The following SFMBT2 variants were observed in gnomAD, a reference collection of about 807,000 sequenced individuals.
SFMBT2 encodes the protein Scm like with four mbt domains 2, also known as scm-like with four MBT domains protein 2.
A neutral mutation model predicts 110.1 loss-of-function variants in SFMBT2; 38 were observed. The observed-to-expected ratio is 0.35, with a 90% CI of 0.27 to 0.45. SFMBT2 has a LOEUF of 0.45. Among genes scored for constraint, SFMBT2 ranks in the 20% least tolerant of loss-of-function variants. The pLI, the probability that SFMBT2 is intolerant of heterozygous loss-of-function variation, is 1.00. For synonymous variants in SFMBT2, 425 were observed against 425.4 expected, an observed-to-expected ratio of 1.00 and a Z score of 0.01; for missense variants, 1,011 against 1,094.9, an observed-to-expected ratio of 0.92 and a Z score of 1.08.
chr10:7,178,310 T>C (rs529102942), intron 16 of SFMBT2, among the ~76,000 whole-genome samples: 1 of 152,206 alleles, frequency 6.6e-6, no homozygotes, highest in East Asian at 1.9e-4. Context: ...GAAACACCAA[T>C]CTAGATGAAG....
At chr10:7,185,813 A>G (rs1223097898) in intron 16 of SFMBT2, among the ~76,000 whole-genome samples, 1 of 128,198 alleles carries the variant, frequency 7.8e-6, no homozygotes, top group Non-Finnish European at 1.7e-5. Context: ...CTCTAGATGC[A>G]GAGAGGTGGA....
At position 7,175,978 on chromosome 10, in the gene SFMBT2, A is replaced by T. The variant is rs1433875301; in HGVS notation, c.1984+12T>A. On this transcript the variant is annotated intron_variant, in intron 17 of 20. Transcript: ENST00000397167. The stretch of plus-strand genomic sequence containing the variant: ...GGGCTCATGCATTTCTTTTTTCATT[A>T]TTTGTACTTACTGTATTTGGTTTTG... 5 of 1,603,822 alleles carry T rather than the reference A, an allele frequency of 3.1e-6. No individual in the cohort carries two copies. The highest frequency in any genetic ancestry group is 3.4e-5 in the Admixed American group (2 of 59,036).
chr10:7,310,609 T>A (rs1362811231), intron 4 of SFMBT2, among the ~76,000 whole-genome samples: 1 of 152,242 alleles, frequency 6.6e-6, no homozygotes, highest in East Asian at 1.9e-4. Context: ...GCAAAGTCTG[T>A]CTGATTTTTC....
In SFMBT2 at chr10:7,171,776, G is replaced by T; in HGVS notation, c.2415+119C>A. ...GTTCCTGACTTGGGAACTAGCTAGA[G>T]CAGCTGCTGCTGTTGGAGGTATTTT... is the stretch of plus-strand genomic sequence containing the variant. On this transcript the variant is annotated intron_variant, in intron 19 of 20. Transcript: ENST00000397167. This position sits in a 1 kb window ranked among gnomAD's most constrained non-coding sequence, Gnocchi z 4.9. 1 of 1,125,760 alleles carries T rather than the reference G, an allele frequency of 8.9e-7. No homozygotes were observed. Among genetic ancestry groups the T allele is most frequent in the Non-Finnish European group, 1.2e-6 (1 of 862,282 alleles). The allele number at this position is 1,125,760 out of a possible 1,614,324, so 69.7% of individuals were successfully genotyped here.
rs555038346 is a variant in SFMBT2 at position 7,190,098 on chromosome 10, T to C, written c.1699-1365A>G. Among the ~76,000 whole-genome samples, 11 of 152,338 alleles carry C rather than the reference T, an allele frequency of 7.2e-5. No homozygotes were observed. In the East Asian group the frequency reaches 1.7e-3, roughly 24 times the overall value. On this transcript the variant is annotated intron_variant, in intron 15 of 20. Transcript: ENST00000397167. ...CGGCCTTTTCTCTGCCTGGGTAACA[T>C]CTTGCTATGTTCCAAGGGCCTCAAA...
At chr10:7,392,983 T>TTATATA (rs760008467) in intron 1 of SFMBT2, among the ~76,000 whole-genome samples, 28 of 59,946 alleles carry the variant, frequency 4.7e-4, no homozygotes, top group East Asian at 9.8e-4. Context: ...TGTGGATAGA[T>TTATATA]TATATATATA....
intron 16 of SFMBT2, chr10:7,176,429 ATACAAC>A: frequency 1.0e-6 from 1 of 961,394 alleles, no homozygotes; most frequent in Non-Finnish European, 1.2e-6. Flanking sequence ...ATTTTGCTAT[ATACAAC>A]TTCATACCAA....
intron 9 of SFMBT2, among the ~76,000 whole-genome samples, chr10:7,239,229 G>A (rs1840358303): frequency 6.6e-6 from 1 of 152,156 alleles, no homozygotes; most frequent in Non-Finnish European, 1.5e-5. Flanking sequence ...CAGCATCCAT[G>A]TTCTTAACAG....
At position 7,410,915 on chromosome 10, in the gene SFMBT2, G is replaced by A. The variant is rs1203582952; in HGVS notation, c.-106C>T. 2.6e-5 allele frequency among the ~76,000 whole-genome samples: 4 copies of A among 151,224 alleles called. No individual in the cohort carries two copies. The highest frequency in any genetic ancestry group is 7.3e-5 in the African/African-American group (3 of 41,206). On this transcript the variant is annotated 5_prime_UTR_variant, in exon 1 of 21. Transcript: ENST00000397167. ...GACCCAGGCCCCGGTCGCCGCCCGG[G>A]AGGGCACCGGCCTCGCTCGCTTGCT...
chr10:7,335,026 A>AG (rs962573731), intron 4 of SFMBT2, among the ~76,000 whole-genome samples: 4 of 152,166 alleles, frequency 2.6e-5, no homozygotes, highest in African/African-American at 9.7e-5. Flanking sequence ...AAGAAGCCGG[A>AG]GGGGGGAAAA....
intron 16 of SFMBT2, among the ~76,000 whole-genome samples, chr10:7,177,937 G>A (rs1011027299): frequency 6.6e-6 from 1 of 152,102 alleles, no homozygotes; most frequent in Non-Finnish European, 1.5e-5. Flanking sequence ...GACCATGTGA[G>A]GGCAGAGGGA....
At chr10:7,193,259 C>G (rs1838658725) in intron 15 of SFMBT2, among the ~76,000 whole-genome samples, 2 of 152,210 alleles carry the variant, frequency 1.3e-5, no homozygotes, top group South Asian at 4.1e-4. Flanking sequence ...ACCCCTGAAG[C>G]TCATGCGGAA....
At chr10:7,319,243 A>G (rs1015994387) in intron 4 of SFMBT2, among the ~76,000 whole-genome samples, 1 of 152,248 alleles carries the variant, frequency 6.6e-6, no homozygotes, top group African/African-American at 2.4e-5. Flanking sequence ...GGGTAAAAAT[A>G]CAGAGCTAGG....
At chr10:7,215,678 C>G in intron 11 of SFMBT2, 2 of 985,412 alleles carry the variant, frequency 2.0e-6, no homozygotes, top group Non-Finnish European at 2.4e-6. Context: ...GGAGGAGAGT[C>G]CGCTGCAGGT....
intron 9 of SFMBT2, among the ~76,000 whole-genome samples, chr10:7,228,740 CTCT>C (rs1564395445): frequency 2.8e-3 from 92 of 32,614 alleles, no homozygotes; most frequent in Admixed American, 3.6e-3. Context: ...TCTTTCCTTT[CTCT>C]CTCTCTCTCT....
chr10:7,392,296 C>A (rs1845790790), intron 1 of SFMBT2, among the ~76,000 whole-genome samples: 1 of 152,196 alleles, frequency 6.6e-6, no homozygotes, highest in Admixed American at 6.5e-5. Context: ...GGGCGGATCA[C>A]TTGAGCTCAG....
At chr10:7,282,456 T>C (rs1841972504) in intron 6 of SFMBT2, among the ~76,000 whole-genome samples, 1 of 152,212 alleles carries the variant, frequency 6.6e-6, no homozygotes, top group Non-Finnish European at 1.5e-5. Flanking sequence ...CACACAACTT[T>C]ACGCACAAAG....
intron 1 of SFMBT2, among the ~76,000 whole-genome samples, chr10:7,400,256 T>C (rs1846037990): frequency 6.6e-6 from 1 of 152,298 alleles, no homozygotes; most frequent in East Asian, 1.9e-4. Context: ...GAGGATGTTC[T>C]GCACTTTCCA....
chr10:7,178,607 C>A (rs1838145822), intron 16 of SFMBT2, among the ~76,000 whole-genome samples: 1 of 152,146 alleles, frequency 6.6e-6, no homozygotes, highest in South Asian at 2.1e-4. Flanking sequence ...GTGAGACATG[C>A]TTCTGGAACC....
Sources: gnomAD v4.1 joint callset for allele counts (sites outside exome capture counted in the v4.1 genomes callset) on GRCh38, gnomAD v4.1.1 for gene constraint, Gnocchi (gnomAD v3.1) non-coding constraint, MANE v1.5 for transcripts, NCBI Gene and HGNC (gene_info 2026-07-23, HGNC 2026-07-21) for gene names.